The following ANO10 variants were observed in gnomAD, a reference collection of about 807,000 sequenced individuals.
ANO10 encodes the protein anoctamin-10.
A neutral mutation model predicts 74.7 loss-of-function variants in ANO10; 77 were observed. That is an observed-to-expected ratio of 1.03 (90% CI 0.86 to 1.25). ANO10 has a LOEUF of 1.25. ANO10 is among the 50% of genes most tolerant of loss of function. The pLI, the probability that ANO10 is intolerant of heterozygous loss-of-function variation, is 0.00. For synonymous variants in ANO10, 279 were observed against 284.9 expected (o/e 0.98, Z 0.21); for missense variants, 721 against 778.1 (o/e 0.93, Z 0.87).
At chr3:43,486,712 A>G (rs2076505347) in intron 11 of ANO10, among the ~76,000 whole-genome samples, 3 of 151,174 alleles carry the variant, frequency 2.0e-5, no homozygotes, top group African/African-American at 7.3e-5. Flanking sequence ...GGCTGAGACA[A>G]TGGGGTTTTC....
chr3:43,655,312 T>C (rs965805814), intron 1 of ANO10, among the ~76,000 whole-genome samples: 2 of 152,114 alleles, frequency 1.3e-5, no homozygotes, highest in African/African-American at 4.8e-5. Context: ...GATGTTCGGA[T>C]GTGTTTGGAG....
intron 1 of ANO10, among the ~76,000 whole-genome samples, chr3:43,671,348 A>G (rs1261719677): frequency 6.6e-6 from 1 of 152,160 alleles, no homozygotes; most frequent in Non-Finnish European, 1.5e-5. Flanking sequence ...AAAGCTGATA[A>G]GCACACCGAC....
At chr3:43,561,979 T>C (rs1253570239) in intron 8 of ANO10, among the ~76,000 whole-genome samples, 3 of 152,300 alleles carry the variant, frequency 2.0e-5, no homozygotes, top group Admixed American at 2.0e-4. Context: ...TTTTAAAGAA[T>C]TTAAATTATA....
At chr3:43,467,771 T>G (rs932956044) in intron 11 of ANO10, among the ~76,000 whole-genome samples, 4 of 152,232 alleles carry the variant, frequency 2.6e-5, no homozygotes, top group African/African-American at 9.6e-5. Context: ...TGAAGAATAG[T>G]GCATAAGGTA....
At position 43,677,191 on chromosome 3, in the gene ANO10, A is replaced by G. The variant is rs1307670425; in HGVS notation, c.-12+14326T>C. ...ATGAAATCACGTCCCTTGCAGCAGC[A>G]TGGATGCAGGTGGAAGCCATCTTCC... is the stretch of plus-strand genomic sequence containing the variant. On this transcript the variant is annotated intron_variant, in intron 1 of 3. Transcript: ENST00000413397. 5.3e-5 allele frequency among the ~76,000 whole-genome samples: 8 copies of G among 152,224 alleles called. No individual in the cohort carries two copies. The East Asian group carries it at 1.5e-3, about 29-fold the overall frequency.
chr3:43,386,051 T>C lies in ANO10; in HGVS notation c.1915-19077A>G, dbSNP rs111606375. Among the ~76,000 whole-genome samples the C allele has an allele frequency of 6.3e-3, 953 of 152,300 alleles. 5 individuals are homozygous for C. Among genetic ancestry groups the C allele is most frequent in the African/African-American group, 0.02 (843 of 41,568 alleles). ...CCTTCTCCCCCAGGCTCCTGTGGCT[T>C]GCCATGGACAAGGGGGGAATAAACT... On this transcript the variant is annotated intron_variant, in intron 12 of 12. Coordinates refer to ENST00000292246, the MANE Select transcript of ANO10 (RefSeq NM_018075.5).
At chr3:43,457,687 G>A (rs943834908) in intron 11 of ANO10, among the ~76,000 whole-genome samples, 1 of 152,178 alleles carries the variant, frequency 6.6e-6, no homozygotes, top group African/African-American at 2.4e-5. Context: ...TAGAATACAT[G>A]TATGTTTCCT....
chr3:43,395,148 A>G (rs926989147), intron 12 of ANO10, among the ~76,000 whole-genome samples: 8 of 152,114 alleles, frequency 5.3e-5, no homozygotes, highest in Admixed American at 4.6e-4. Context: ...TTATCAGGTA[A>G]TTATCAGGGT....
At chr3:43,665,316 T>C (rs1025005602) in intron 1 of ANO10, among the ~76,000 whole-genome samples, 1 of 151,384 alleles carries the variant, frequency 6.6e-6, no homozygotes, top group South Asian at 2.1e-4. Flanking sequence ...TAAGGGGGAG[T>C]TGAACAATGA....
chr3:43,476,212 C>T (rs768226476), intron 11 of ANO10, among the ~76,000 whole-genome samples: 19 of 151,838 alleles, frequency 1.3e-4, no homozygotes, highest in Non-Finnish European at 2.4e-4. Context: ...TGTATTTAAT[C>T]ATGTCTAAAT....
At chr3:43,669,736 A>T (rs2084034574) in intron 1 of ANO10, among the ~76,000 whole-genome samples, 1 of 151,748 alleles carries the variant, frequency 6.6e-6, no homozygotes, top group South Asian at 2.1e-4. Flanking sequence ...TTATTTATTT[A>T]TTTATTTAGA....
intron 11 of ANO10, among the ~76,000 whole-genome samples, chr3:43,453,182 T>TCC (rs2074958668): frequency 2.7e-4 from 37 of 136,820 alleles, no homozygotes; most frequent in Non-Finnish European, 3.2e-4. Flanking sequence ...TTTCCCCCTT[T>TCC]TTTTTTTTTT....
intron 11 of ANO10, among the ~76,000 whole-genome samples, chr3:43,510,415 T>C (rs1021001451): frequency 1.7e-5 from 2 of 121,082 alleles, no homozygotes; most frequent in Admixed American, 9.7e-5. Context: ...TAGGAGATAA[T>C]AGTGAAACTC....
chr3:43,553,524 C>A (rs1009957510), intron 10 of ANO10, among the ~76,000 whole-genome samples: 1 of 142,876 alleles, frequency 7.0e-6, no homozygotes, highest in African/African-American at 2.6e-5. Context: ...GTTGTTCAGA[C>A]TGGATAATTT....
intron 11 of ANO10, among the ~76,000 whole-genome samples, chr3:43,490,192 G>C (rs945039610): frequency 6.6e-6 from 1 of 152,174 alleles, no homozygotes; most frequent in African/African-American, 2.4e-5. Flanking sequence ...TTTAGCCCTG[G>C]CCTCCCTCTT....
At chr3:43,559,703 G>T (rs1287219822) in intron 9 of ANO10, among the ~76,000 whole-genome samples, 1 of 152,004 alleles carries the variant, frequency 6.6e-6, no homozygotes, top group African/African-American at 2.4e-5. Flanking sequence ...AGTGAAAAAA[G>T]GAAAAGAAAT....
At chr3:43,485,530 G>C (rs1284097983) in intron 11 of ANO10, 1 of 251,466 alleles carries the variant, frequency 4.0e-6, no homozygotes, top group Non-Finnish European at 7.7e-6. Context: ...CTTGGAATCC[G>C]TGAGGCCAAG....
intron 10 of ANO10, among the ~76,000 whole-genome samples, chr3:43,552,825 C>T (rs776143145): frequency 5.5e-4 from 83 of 150,810 alleles, no homozygotes; most frequent in Non-Finnish European, 9.7e-4. Context: ...TGGAGCTTTG[C>T]TCTTGTCACC....
intron 1 of ANO10, among the ~76,000 whole-genome samples, chr3:43,645,987 T>C (rs996019948): frequency 3.9e-5 from 6 of 152,044 alleles, no homozygotes; most frequent in Non-Finnish European, 7.4e-5. Context: ...TTTTGTATTT[T>C]TGGTAAAAAG....
Sources: gnomAD v4.1 joint callset for allele counts (sites outside exome capture counted in the v4.1 genomes callset) on GRCh38, gnomAD v4.1.1 for gene constraint, MANE v1.5 for transcripts, NCBI Gene and HGNC (gene_info 2026-07-23, HGNC 2026-07-21) for gene names.